NSUN6: variants seen among roughly 807,000 people sequenced by gnomAD.
NSUN6 encodes tRNA (cytosine(72)-C(5))-methyltransferase NSUN6.
In NSUN6, 64 loss-of-function variants were observed where a neutral mutation model predicts 58.0. The ratio of observed to expected loss-of-function variants is 1.10; its 90% CI spans 0.90 to 1.36. The LOEUF is 1.36. Among genes scored for constraint, NSUN6 ranks in the 40% most tolerant of loss-of-function variants. The pLI is 0.00. For missense variants in NSUN6, 701 were observed against 550.1 expected, an observed-to-expected ratio of 1.27 and a Z score of -2.74; for synonymous variants, 231 against 193.9, an observed-to-expected ratio of 1.19 and a Z score of -1.59.
intron 3 of NSUN6, among the ~76,000 whole-genome samples, chr10:18,626,957 G>C (rs1232712302): frequency 6.6e-6 from 1 of 152,192 alleles, no homozygotes; most frequent in Non-Finnish European, 1.5e-5. Context: ...CACGAATTGA[G>C]AGAATACAGA....
chr10:18,613,045 C>CG (rs1554875742), intron 5 of NSUN6, among the ~76,000 whole-genome samples: 1 of 152,128 alleles, frequency 6.6e-6, no homozygotes, highest in Non-Finnish European at 1.5e-5. Context: ...CTTCTTCCAC[C>CG]GGAAGAGACA....
chr10:18,556,866 G>C (rs764343846), intron 8 of NSUN6, among the ~76,000 whole-genome samples: 1 of 149,684 alleles, frequency 6.7e-6, no homozygotes, highest in Non-Finnish European at 1.5e-5. Context: ...GGAAGGAAGG[G>C]AATGGAATGG....
chr10:18,563,015 G>GTAAC (rs768150647), intron 8 of NSUN6, among the ~76,000 whole-genome samples: 5 of 150,996 alleles, frequency 3.3e-5, no homozygotes, highest in Admixed American at 2.7e-4. Context: ...AATGGAGAAT[G>GTAAC]GAATGGAGAA....
intron 3 of NSUN6, among the ~76,000 whole-genome samples, chr10:18,619,664 ATCT>A (rs1819977102): frequency 6.6e-6 from 1 of 152,206 alleles, no homozygotes; most frequent in Non-Finnish European, 1.5e-5. Context: ...TAGCAAAAAC[ATCT>A]TCATGTTATC....
chr10:18,651,153 A>C lies in NSUN6; in HGVS notation c.51T>G (p.Leu17=). The C allele has an allele frequency of 6.3e-7, 1 of 1,582,552 alleles. No individual in the cohort carries two copies. The highest frequency in any genetic ancestry group is 8.5e-7 in the Non-Finnish European group (1 of 1,171,334). The part of the protein sequence containing the change: ...ISLRPEVENY[L]KEGFMNKEIV... ...CCTCCTTATTCATAAAGCCTTCCTT[A>C]AGATAGTTTTCAACCTCAGGTCTCA... The change falls in exon 1 of 11, where the codon CTT becomes CTG. Residue 17 remains leucine (L), a synonymous_variant. Coordinates refer to ENST00000377304, the MANE Select transcript of NSUN6 (RefSeq NM_182543.5).
intron 7 of NSUN6, among the ~76,000 whole-genome samples, chr10:18,587,272 T>C (rs1418352988): frequency 6.6e-6 from 1 of 152,164 alleles, no homozygotes; most frequent in Non-Finnish European, 1.5e-5. Context: ...TGCTTTGAGA[T>C]GCAAATGAAT....
chr10:18,645,767 G>C (rs1035588232), intron 2 of NSUN6, among the ~76,000 whole-genome samples: 4 of 152,164 alleles, frequency 2.6e-5, no homozygotes, highest in African/African-American at 9.7e-5. Context: ...CTGGGTTTTA[G>C]AGTATGATTA....
At chr10:18,633,688 G>T (rs1027614835) in intron 3 of NSUN6, among the ~76,000 whole-genome samples, 6 of 152,108 alleles carry the variant, frequency 3.9e-5, no homozygotes, top group Non-Finnish European at 8.8e-5. Flanking sequence ...GTTCAGAGGA[G>T]TCAAGTCTGA....
intron 6 of NSUN6, among the ~76,000 whole-genome samples, chr10:18,605,250 A>C (rs1192707750): frequency 1.3e-5 from 2 of 152,078 alleles, no homozygotes. Context: ...ATTAAAATTA[A>C]TTTGGGAATG....
upstream of NSUN6, chr10:18,652,598 T>A: frequency 4.2e-6 from 4 of 958,458 alleles, no homozygotes; most frequent in Non-Finnish European, 5.0e-6. Flanking sequence ...TGAGTCTCTG[T>A]CGCCCAGACT....
intron 8 of NSUN6, among the ~76,000 whole-genome samples, chr10:18,553,039 C>T (rs1426008625): frequency 6.6e-6 from 1 of 150,532 alleles, no homozygotes; most frequent in Non-Finnish European, 1.5e-5. Flanking sequence ...CCATTCCCTT[C>T]TCCATTCCAT....
intron 6 of NSUN6, 119 bp from the exon 7 acceptor site, chr10:18,596,446 G>A (rs909460474): frequency 3.3e-6 from 2 of 604,688 alleles, no homozygotes; most frequent in Non-Finnish European, 5.8e-6. Context: ...CGTCTGCTAA[G>A]AGGACAATTT....
At chr10:18,570,273 T>C (rs1420512476) in intron 8 of NSUN6, among the ~76,000 whole-genome samples, 1 of 150,764 alleles carries the variant, frequency 6.6e-6, no homozygotes, top group Non-Finnish European at 1.5e-5. Flanking sequence ...TCCATTCCAT[T>C]CTCCATTTTC....
At chr10:18,586,185 A>T in intron 7 of NSUN6, 92 bp from the exon 8 acceptor site, 1 of 1,049,670 alleles carries the variant, frequency 9.5e-7, no homozygotes, top group Non-Finnish European at 1.3e-6. Context: ...AACATGAAAA[A>T]TTATGGTCTT....
intron 6 of NSUN6, among the ~76,000 whole-genome samples, chr10:18,609,312 AAAT>A (rs897152182): frequency 2.6e-5 from 4 of 152,142 alleles, no homozygotes; most frequent in South Asian, 2.1e-4. Context: ...GCCTGTCTCA[AAAT>A]AATAATAATA....
At chr10:18,562,698 GGAATGGAATGGA>G (rs996469650) in intron 8 of NSUN6, among the ~76,000 whole-genome samples, 3 of 150,072 alleles carry the variant, frequency 2.0e-5, no homozygotes, top group East Asian at 2.0e-4. Flanking sequence ...AATAGAGAAC[GGAATGGAATGGA>G]GAATGGAATG....
chr10:18,600,959 T>TATATATATATATAC lies in NSUN6; in HGVS notation c.658-4633_658-4632insGTATATATATATAT. On this transcript the variant is annotated intron_variant, in intron 6 of 10. Coordinates refer to ENST00000377304, the MANE Select transcript of NSUN6 (RefSeq NM_182543.5). The stretch of plus-strand genomic sequence containing the variant: ...AAAAAAAAATATATATATATATATA[T>TATATATATATATAC]ACATATATATATATATATGTATATA... 2.8e-3 allele frequency among the ~76,000 whole-genome samples: 180 copies of TATATATATATATAC among 64,920 alleles called. 5 individuals are homozygous for TATATATATATATAC. The highest frequency in any genetic ancestry group is 6.3e-3 in the African/African-American group (119 of 18,934). 42.6% of individuals were successfully genotyped at this position (64,920 alleles called of 152,430 possible).
chr10:18,627,723 C>T (rs1038003670), intron 3 of NSUN6, among the ~76,000 whole-genome samples: 22 of 152,264 alleles, frequency 1.4e-4, no homozygotes, highest in South Asian at 2.1e-4. Flanking sequence ...AACCGGAGCA[C>T]CAGGAGACTA....
intron 8 of NSUN6, among the ~76,000 whole-genome samples, chr10:18,572,849 CTTTCTGCA>C (rs2056447902): frequency 6.7e-6 from 1 of 148,522 alleles, no homozygotes; most frequent in Non-Finnish European, 1.5e-5. Context: ...CATTCCATTC[CTTTCTGCA>C]TTTCATTCCA....
Sources: gnomAD v4.1 joint callset for allele counts (sites outside exome capture counted in the v4.1 genomes callset) on GRCh38, gnomAD v4.1.1 for gene constraint, MANE v1.5 for transcripts, NCBI Gene and HGNC (gene_info 2026-07-23, HGNC 2026-07-21) for gene names.